Variants in GAB2 observed in about 807,000 individuals in gnomAD.
The protein encoded by GAB2 is GRB2 associated binding protein 2, also known as GRB2-associated-binding protein 2.
GAB2 carries 26 observed loss-of-function variants against 65.5 expected under a neutral mutation model. The observed-to-expected ratio is 0.40, with a 90% CI of 0.29 to 0.55. The LOEUF (loss-of-function observed/expected upper bound fraction) is 0.55. GAB2 is among the 20% of genes least tolerant of loss of function. GAB2 has a pLI of 0.53. For synonymous variants in GAB2, 321 were observed against 329.6 expected, an observed-to-expected ratio of 0.97 and a Z score of 0.28; for missense variants, 884 against 875.8, an observed-to-expected ratio of 1.01 and a Z score of -0.12.
chr11:78,264,858 GA>G (rs1288077928), intron 2 of GAB2, among the ~76,000 whole-genome samples: 1 of 152,110 alleles, frequency 6.6e-6, no homozygotes, highest in Non-Finnish European at 1.5e-5. Flanking sequence ...GGTTATTTAG[GA>G]TATTTTAGTT....
chr11:78,230,634 A>G (rs1864815359), intron 3 of GAB2, among the ~76,000 whole-genome samples: 2 of 152,274 alleles, frequency 1.3e-5, no homozygotes, highest in Admixed American at 1.3e-4. Flanking sequence ...ACCCTGGCAT[A>G]GTGCCAGGCA....
chr11:78,239,366 G>A (rs113287233), intron 3 of GAB2, among the ~76,000 whole-genome samples: 4,678 of 152,056 alleles, frequency 0.031, 206 homozygotes, highest in African/African-American at 0.1. Flanking sequence ...GATTACAGGC[G>A]CATGTCACCA....
intron 3 of GAB2, among the ~76,000 whole-genome samples, chr11:78,228,533 C>T (rs1284043125): frequency 5.3e-5 from 8 of 152,174 alleles, no homozygotes; most frequent in African/African-American, 1.9e-4. Context: ...GCTCTCTCAG[C>T]TCCTGAGGAG....
chr11:78,275,270 C>A (rs1225383433), intron 2 of GAB2, among the ~76,000 whole-genome samples: 2 of 151,866 alleles, frequency 1.3e-5, no homozygotes, highest in African/African-American at 4.8e-5. Context: ...GATTTTTAGC[C>A]CCGGGGAGTT....
At chr11:78,275,832 G>A (rs191515021) in intron 2 of GAB2, among the ~76,000 whole-genome samples, 92 of 151,638 alleles carry the variant, frequency 6.1e-4, no homozygotes, top group Non-Finnish European at 9.1e-4. Context: ...ATATATTTCC[G>A]GCCAGGCGTA....
chr11:78,296,506 C>G (rs150060061), intron 1 of GAB2, among the ~76,000 whole-genome samples: 2 of 151,834 alleles, frequency 1.3e-5, no homozygotes, highest in African/African-American at 2.4e-5. Context: ...AAACACTAGA[C>G]AGAACTTCAG....
intron 1 of GAB2, among the ~76,000 whole-genome samples, chr11:78,370,243 C>A (rs1470164688): frequency 1.7e-5 from 2 of 115,666 alleles, no homozygotes; most frequent in South Asian, 2.9e-4. Context: ...GGCGACAGAG[C>A]GAGACTCCGT....
chr11:78,227,967 T>C (rs1040628629), intron 3 of GAB2, among the ~76,000 whole-genome samples: 118 of 152,214 alleles, frequency 7.8e-4, no homozygotes, highest in Non-Finnish European at 7.6e-4. Flanking sequence ...TTGGGAACTA[T>C]ATATAGAAAA....
At chr11:78,257,528 T>C (rs1026210558) in intron 2 of GAB2, among the ~76,000 whole-genome samples, 1 of 152,212 alleles carries the variant, frequency 6.6e-6, no homozygotes, top group Admixed American at 6.5e-5. Flanking sequence ...GAGATCATTT[T>C]ATATCATGCA....
intron 1 of GAB2, among the ~76,000 whole-genome samples, chr11:78,289,475 T>G (rs1483250235): frequency 2.6e-5 from 4 of 152,188 alleles, no homozygotes; most frequent in Non-Finnish European, 5.9e-5. Flanking sequence ...GCTCCTTGTA[T>G]AGAATTCAGT....
intron 1 of GAB2, among the ~76,000 whole-genome samples, chr11:78,371,991 G>A (rs1223672073): frequency 6.6e-6 from 1 of 152,112 alleles, no homozygotes; most frequent in Non-Finnish European, 1.5e-5. Flanking sequence ...GCTAGTTTAA[G>A]AAATGAGATT....
At chr11:78,267,554 T>C (rs538053148) in intron 2 of GAB2, among the ~76,000 whole-genome samples, 146 of 151,974 alleles carry the variant, frequency 9.6e-4, no homozygotes, top group Non-Finnish European at 1.9e-3. Flanking sequence ...CTAACATACA[T>C]GCACAAAGAG....
chr11:78,309,505 T>G (rs1429593248), intron 1 of GAB2, among the ~76,000 whole-genome samples: 5 of 149,288 alleles, frequency 3.3e-5, no homozygotes, highest in Non-Finnish European at 7.4e-5. Flanking sequence ...GGTCTCAGTC[T>G]GTCGCTCAGG....
At chr11:78,358,906 TAA>T (rs1231167664) in intron 1 of GAB2, among the ~76,000 whole-genome samples, 1 of 152,080 alleles carries the variant, frequency 6.6e-6, no homozygotes, top group Non-Finnish European at 1.5e-5. Context: ...AAAAAAGAAC[TAA>T]ATACTTTTGA....
chr11:78,318,988 C>T (rs1313757324), intron 1 of GAB2, among the ~76,000 whole-genome samples: 2 of 152,174 alleles, frequency 1.3e-5, no homozygotes, highest in East Asian at 1.9e-4. Context: ...ACCTCATCCC[C>T]TAACAATGGT....
At chr11:78,396,579 T>C (rs906624426) in intron 1 of GAB2, among the ~76,000 whole-genome samples, 3 of 152,202 alleles carry the variant, frequency 2.0e-5, no homozygotes, top group Admixed American at 1.3e-4. Context: ...ATGTTGTAGA[T>C]GACTATTTTG....
At chr11:78,386,361 C>T (rs1321017604) in intron 1 of GAB2, among the ~76,000 whole-genome samples, 1 of 152,192 alleles carries the variant, frequency 6.6e-6, no homozygotes, top group Non-Finnish European at 1.5e-5. Flanking sequence ...GACCTAGGGA[C>T]CCTGCAAGCA....
chr11:78,222,411 T>C lies in GAB2; in HGVS notation c.1568-216A>G, dbSNP rs566258883. Among the ~76,000 whole-genome samples, 7 of 152,144 alleles carry C rather than the reference T, an allele frequency of 4.6e-5. No homozygotes were observed. In the East Asian group the frequency reaches 9.6e-4, roughly 21 times the overall value. ...ATTCCAAATTATATATTCTTTCTGC[T>C]GTATCTATGGTAATTATATTTTCAG... On this transcript the variant is annotated intron_variant, in intron 6 of 9. Transcript: ENST00000361507.
At chr11:78,245,901 C>T (rs1246977570) in intron 3 of GAB2, among the ~76,000 whole-genome samples, 4 of 151,644 alleles carry the variant, frequency 2.6e-5, no homozygotes, top group East Asian at 1.9e-4. Context: ...ATACTTTTGC[C>T]GAATATAAAC....
Sources: allele counts gnomAD v4.1 joint callset (sites outside exome capture counted in the v4.1 genomes callset), GRCh38; gene constraint gnomAD v4.1.1; transcripts MANE v1.5; gene names NCBI Gene and HGNC (gene_info 2026-07-23, HGNC 2026-07-21).